Variants in KMT2E observed in about 807,000 individuals in gnomAD.
KMT2E encodes the protein lysine methyltransferase 2E (inactive), also known as histone reader KMT2E.
KMT2E carries 30 observed loss-of-function variants against 184.6 expected under a neutral mutation model. That is an observed-to-expected ratio of 0.16 (90% CI 0.12 to 0.22). The LOEUF is 0.22. Ranked by LOEUF, KMT2E falls within the 10% of genes least tolerant of loss-of-function variation. The pLI, the probability that KMT2E is intolerant of heterozygous loss-of-function variation, is 1.00. For synonymous variants in KMT2E, 815 were observed against 776.5 expected (o/e 1.05, Z -0.82); for missense variants, 2,023 against 2,237.4 (o/e 0.90, Z 1.93).
intron 13 of KMT2E, among the ~76,000 whole-genome samples, chr7:105,087,823 CTT>C (rs144913829): frequency 2.8e-4 from 29 of 103,820 alleles, no homozygotes; most frequent in South Asian, 6.4e-4. Flanking sequence ...TGTTTTCTTG[CTT>C]TTTTTTTTTT....
intron 15 of KMT2E, among the ~76,000 whole-genome samples, chr7:105,100,568 C>T (rs1322912896): frequency 6.6e-6 from 1 of 152,166 alleles, no homozygotes; most frequent in Non-Finnish European, 1.5e-5. Context: ...GGGTCTTACT[C>T]TTAATGTTCT....
intron 3 of KMT2E, among the ~76,000 whole-genome samples, chr7:105,057,023 G>T (rs1449016435): frequency 6.6e-6 from 1 of 152,188 alleles, no homozygotes; most frequent in African/African-American, 2.4e-5. Context: ...AAAAATAATT[G>T]TGTGAAAAGT....
At chr7:105,054,028 C>A (rs1426476251) in intron 3 of KMT2E, among the ~76,000 whole-genome samples, 4 of 151,956 alleles carry the variant, frequency 2.6e-5, no homozygotes, top group African/African-American at 4.8e-5. Flanking sequence ...AAAAAACTTA[C>A]CGGGCATGGT....
Position 105,114,110 on chromosome 7 carries a change from A to C in KMT2E, c.*777A>C, listed in dbSNP as rs536876814. On this transcript the variant is annotated 3_prime_UTR_variant, in exon 27 of 27. Coordinates refer to ENST00000311117, the MANE Select transcript of KMT2E (RefSeq NM_182931.3). ...ACCAGATTGTCCTGTACAACTTCTA[A>C]GATCGGGATCTGTGTGTTTCTACAG... is the stretch of plus-strand genomic sequence containing the variant. 6.6e-6 allele frequency: 1 copy of C among 152,580 alleles called. No individual in the cohort carries two copies. Among genetic ancestry groups the C allele is most frequent in the Non-Finnish European group, 1.5e-5 (1 of 68,036 alleles). The allele number at this position is 152,580 out of a possible 1,614,324, so 9.5% of individuals were successfully genotyped here. A position where few individuals can be genotyped will look rare whatever the true frequency, so the allele number is the denominator to read the frequency against.
At chr7:105,030,297 T>TA (rs1304217389) in intron 1 of KMT2E, among the ~76,000 whole-genome samples, 3 of 152,244 alleles carry the variant, frequency 2.0e-5, no homozygotes, top group Admixed American at 6.5e-5. Flanking sequence ...TAAAACTATC[T>TA]AAAAAAATTG....
At chr7:105,059,972 GTTGTTGTTTTTTTTTTT>G (rs1796729610) in intron 3 of KMT2E, among the ~76,000 whole-genome samples, 1 of 58,816 alleles carries the variant, frequency 1.7e-5, no homozygotes, top group Non-Finnish European at 4.2e-5. Flanking sequence ...TGATTTTCTT[GTTGTTGTTTTTTTTTTT>G]TTTTTTTTTT....
rs755124892 is a variant in KMT2E at position 105,063,579 on chromosome 7, A to G, written c.415A>G (p.Ser139Gly). The G allele has an allele frequency of 6.4e-7, 1 of 1,559,794 alleles. No individual in the cohort carries two copies. The highest frequency in any genetic ancestry group is 1.9e-5 in the Admixed American group (1 of 52,682). The change falls in exon 5 of 27, where the codon AGC becomes GGC. Residue 139 changes from serine to glycine, a missense_variant and splice_region_variant. Ser to Gly is a moderately conservative substitution (Grantham distance 56, BLOSUM62 0). This residue lies in a region of KMT2E where 30 missense variants were observed against 80.6 expected (regional missense o/e 0.37). Coordinates refer to ENST00000311117, the MANE Select transcript of KMT2E (RefSeq NM_182931.3). ...DGYMICCDKC[S>G]VWQHIDCMGI... Reference sequence around the variant, plus strand: ...ATACATGATCTGTTGTGACAAATGCAGGTAAAATATTTTACACCATTATTT... The same window carrying G: ...ATACATGATCTGTTGTGACAAATGCGGGTAAAATATTTTACACCATTATTT...
In KMT2E at chr7:105,107,457, T is replaced by C. The variant is rs994556997; in HGVS notation, c.3000T>C (p.Tyr1000=). ...TGCAAGAAATAAAGACTATTGGTTA[T>C]ACGAGCCCTAGGAGTAGGACTGAAG... The part of the protein sequence containing the change: ...LGLQEIKTIG[Y]TSPRSRTEVN... The change falls in exon 22 of 27, where the codon TAT becomes TAC. Residue 1000 remains tyrosine, a synonymous_variant. Coordinates refer to ENST00000311117, the MANE Select transcript of KMT2E (RefSeq NM_182931.3). 3.7e-6 allele frequency: 6 copies of C among 1,614,006 alleles called. No individual in the cohort carries two copies. Among genetic ancestry groups the C allele is most frequent in the Non-Finnish European group, 5.1e-6 (6 of 1,179,982 alleles).
chr7:105,058,203 C>T (rs1027796223), intron 3 of KMT2E, among the ~76,000 whole-genome samples: 9 of 152,118 alleles, frequency 5.9e-5, no homozygotes, highest in Non-Finnish European at 1.2e-4. Flanking sequence ...TAATTAGCTT[C>T]GAGTTCTGTT....
intron 6 of KMT2E, among the ~76,000 whole-genome samples, chr7:105,070,384 A>G (rs1203388136): frequency 6.6e-6 from 1 of 151,998 alleles, no homozygotes; most frequent in African/African-American, 2.4e-5. Flanking sequence ...TAATCCTAGC[A>G]CTTTTGGAGG....
chr7:105,031,314 G>A (rs1022476052), intron 1 of KMT2E, among the ~76,000 whole-genome samples: 11 of 129,882 alleles, frequency 8.5e-5, no homozygotes, highest in South Asian at 2.6e-4. Context: ...CCAAGATGGC[G>A]CCATTGCATT....
At chr7:105,053,851 G>A (rs2053242227) in intron 3 of KMT2E, among the ~76,000 whole-genome samples, 5 of 152,038 alleles carry the variant, frequency 3.3e-5, no homozygotes, top group Admixed American at 3.3e-4. Flanking sequence ...CTCCAGCTTG[G>A]GTGACAGAGT....
intron 15 of KMT2E, among the ~76,000 whole-genome samples, chr7:105,093,083 TATTCAGGG>T (rs1562922688): frequency 6.6e-6 from 1 of 152,106 alleles, no homozygotes; most frequent in Non-Finnish European, 1.5e-5. Context: ...TAGTCCCAGC[TATTCAGGG>T]TGCTGAAGCG....
At chr7:105,062,577 A>G (rs1796863346) in intron 4 of KMT2E, among the ~76,000 whole-genome samples, 1 of 152,070 alleles carries the variant, frequency 6.6e-6, no homozygotes, top group Non-Finnish European at 1.5e-5. Flanking sequence ...TGAATTATAT[A>G]GTAATTAATT....
At chr7:105,060,792 A>C (rs1043462411) in intron 3 of KMT2E, among the ~76,000 whole-genome samples, 2 of 151,982 alleles carry the variant, frequency 1.3e-5, no homozygotes, top group African/African-American at 4.8e-5. Flanking sequence ...TGTGTTACCT[A>C]CAATATTCAG....
At chr7:105,065,064 T>G (rs1049256720) in intron 5 of KMT2E, among the ~76,000 whole-genome samples, 9 of 152,210 alleles carry the variant, frequency 5.9e-5, no homozygotes, top group Non-Finnish European at 1.2e-4. Flanking sequence ...AGTTTTTGGA[T>G]TATTCAAGTT....
At chr7:105,036,316 G>C (rs1055109978) in intron 1 of KMT2E, among the ~76,000 whole-genome samples, 2 of 151,726 alleles carry the variant, frequency 1.3e-5, no homozygotes, top group African/African-American at 4.8e-5. Context: ...GGGATTACAG[G>C]TGTATCCACA....
chr7:105,091,368 A>G (rs1489065213), intron 15 of KMT2E, 54 bp downstream of exon 15: 2 of 939,560 alleles, frequency 2.1e-6, no homozygotes. Context: ...TGCATATGGT[A>G]ATTGTTGCTG....
At position 105,107,825 on chromosome 7, in the gene KMT2E, G is replaced by A. The variant is rs374830056; in HGVS notation, c.3368G>A (p.Cys1123Tyr). ...RGMFMETTVFCTSEDGLVSGF... is the reference protein window; with the variant it reads ...RGMFMETTVFYTSEDGLVSGF... Reference sequence around the variant, plus strand: ...ATGTTTATGGAAACAACTGTGTTTTGTACTTCCGAAGATGGGCTTGTATCT... The same window carrying A: ...ATGTTTATGGAAACAACTGTGTTTTATACTTCCGAAGATGGGCTTGTATCT... Residue 1123 changes from cysteine to tyrosine, a missense_variant, in exon 22 of 27, where the codon TGT becomes TAT. Physicochemically the swap from Cys to Tyr is radical, Grantham distance 194 (BLOSUM62 -2). Around this residue, in one of 8 missense-constraint regions of KMT2E, gnomAD observed 1,108 missense variants for 1,050.9 expected, o/e 1.05. Coordinates refer to ENST00000311117, the MANE Select transcript of KMT2E (RefSeq NM_182931.3). The A allele has an allele frequency of 6.2e-7, 1 of 1,614,078 alleles. No individual in the cohort carries two copies. The highest frequency in any genetic ancestry group is 1.1e-5 in the South Asian group (1 of 91,088).
Sources: allele counts gnomAD v4.1 joint callset (sites outside exome capture counted in the v4.1 genomes callset), GRCh38; gene constraint gnomAD v4.1.1; regional missense constraint gnomAD v4.1.1; transcripts MANE v1.5; gene names NCBI Gene and HGNC (gene_info 2026-07-23, HGNC 2026-07-21).